Variants in CUX2 observed in about 807,000 individuals in gnomAD.
CUX2 encodes cut like homeobox 2.
In CUX2, 40 loss-of-function variants were observed where a neutral mutation model predicts 144.8. That is an observed-to-expected ratio of 0.28 (90% CI 0.21 to 0.36). The LOEUF (loss-of-function observed/expected upper bound fraction) is 0.36. Among genes scored for constraint, CUX2 ranks in the 10% least tolerant of loss-of-function variants. The pLI, the probability that CUX2 is intolerant of heterozygous loss-of-function variation, is 1.00. For synonymous variants in CUX2, 827 were observed against 875.6 expected, an observed-to-expected ratio of 0.94 and a Z score of 0.98; for missense variants, 1,615 against 1,994.0, an observed-to-expected ratio of 0.81 and a Z score of 3.62.
chr12:111,154,147 G>A (rs1422526522), intron 1 of CUX2, among the ~76,000 whole-genome samples: 1 of 151,860 alleles, frequency 6.6e-6, no homozygotes, highest in Non-Finnish European at 1.5e-5. Context: ...ACACAGTTCA[G>A]CTCTTAGCAC....
chr12:111,239,710 T>C (rs759764572), intron 3 of CUX2, among the ~76,000 whole-genome samples: 7 of 152,214 alleles, frequency 4.6e-5, no homozygotes, highest in Non-Finnish European at 8.8e-5. Flanking sequence ...GCCATTTCTC[T>C]TCCATCTGTT....
intron 1 of CUX2, among the ~76,000 whole-genome samples, chr12:111,132,058 C>A (rs1245075056): frequency 6.6e-6 from 1 of 152,250 alleles, no homozygotes; most frequent in Non-Finnish European, 1.5e-5. Flanking sequence ...ATGAGGGCCC[C>A]ACCCCTGCAG....
chr12:111,079,380 G>A (rs1871736642), intron 1 of CUX2, among the ~76,000 whole-genome samples: 1 of 152,128 alleles, frequency 6.6e-6, no homozygotes, highest in Admixed American at 6.5e-5. Flanking sequence ...ACCTGTGGTG[G>A]CCTTCTGAAC....
chr12:111,138,212 G>A (rs1876047393), intron 1 of CUX2, among the ~76,000 whole-genome samples: 2 of 152,184 alleles, frequency 1.3e-5, no homozygotes, highest in Admixed American at 1.3e-4. Context: ...TTTCTGATAG[G>A]GAGAAGCGAT....
At chr12:111,151,636 C>T (rs530900607) in intron 1 of CUX2, among the ~76,000 whole-genome samples, 3 of 152,174 alleles carry the variant, frequency 2.0e-5, no homozygotes, top group East Asian at 1.9e-4. Flanking sequence ...TCCATCTTGC[C>T]GAGACTTAGG....
At position 111,061,215 on chromosome 12, in the gene CUX2, C is replaced by CACACAT. The variant is rs1555265598; in HGVS notation, c.63+26976_63+26977insCACATA. ...ACACACACACACACACACACACACA[C>CACACAT]AGCAAGGAGGATGCCTGGCTTTCTG... On this transcript the variant is annotated intron_variant, in intron 1 of 21. Coordinates refer to ENST00000261726, the MANE Select transcript of CUX2 (RefSeq NM_015267.4). This position sits in a 1 kb window ranked among gnomAD's most constrained non-coding sequence, Gnocchi z 4.2. Among the ~76,000 whole-genome samples, 1 of 150,566 alleles carries CACACAT rather than the reference C, an allele frequency of 6.6e-6. No individual in the cohort carries two copies. Among genetic ancestry groups the CACACAT allele is most frequent in the African/African-American group, 2.5e-5 (1 of 40,298 alleles).
intron 3 of CUX2, among the ~76,000 whole-genome samples, chr12:111,237,575 T>C (rs939761263): frequency 1.3e-5 from 2 of 152,186 alleles, no homozygotes; most frequent in South Asian, 2.1e-4. Flanking sequence ...GCTTCCCAGA[T>C]GAATTTATCC....
In CUX2 at chr12:111,322,515, G is replaced by T; in HGVS notation, c.2861G>T (p.Arg954Leu). Residue 954 changes from arginine (R) to leucine (L), a missense_variant, in exon 18 of 22, where the codon CGC becomes CTC. Around this residue, in one of 12 missense-constraint regions of CUX2, gnomAD observed 17 missense variants for 68.7 expected, o/e 0.25. Coordinates refer to ENST00000261726, the MANE Select transcript of CUX2 (RefSeq NM_015267.4). This position sits in a 1 kb window ranked among gnomAD's most constrained non-coding sequence, Gnocchi z 4.2. ...LTQKGREPFIRMQLWLSDQLG... is the reference protein window; with the variant it reads ...LTQKGREPFILMQLWLSDQLG... ...CAGAAGGGGCGGGAGCCCTTCATCC[G>T]CATGCAGCTGTGGCTCTCTGACCAG... 1 of 1,607,476 alleles carries T rather than the reference G, an allele frequency of 6.2e-7. No homozygotes were observed.
At chr12:111,311,868 GATT>G (rs752518645) in intron 15 of CUX2, among the ~76,000 whole-genome samples, 6 of 152,154 alleles carry the variant, frequency 3.9e-5, no homozygotes, top group Non-Finnish European at 8.8e-5. Flanking sequence ...AGAGTGCTGG[GATT>G]ACAGGCATGA....
intron 6 of CUX2, among the ~76,000 whole-genome samples, chr12:111,294,396 G>A (rs947203315): frequency 6.6e-6 from 1 of 152,006 alleles, no homozygotes; most frequent in Non-Finnish European, 1.5e-5. Context: ...GTGTAAGTCT[G>A]TGTGCCCATA....
chr12:111,187,611 G>C (rs1879627791), intron 1 of CUX2, among the ~76,000 whole-genome samples: 1 of 152,216 alleles, frequency 6.6e-6, no homozygotes, highest in South Asian at 2.1e-4. Flanking sequence ...CCACCCCTGG[G>C]CACCCCCGTG....
Position 111,312,448 on chromosome 12 carries a change from C to G in CUX2, c.2002+247C>G, listed in dbSNP as rs1886953684. 6.6e-6 allele frequency among the ~76,000 whole-genome samples: 1 copy of G among 152,182 alleles called. No individual in the cohort carries two copies. Among genetic ancestry groups the G allele is most frequent in the Non-Finnish European group, 1.5e-5 (1 of 68,012 alleles). On this transcript the variant is annotated intron_variant, in intron 16 of 21. Coordinates refer to ENST00000261726, the MANE Select transcript of CUX2 (RefSeq NM_015267.4). The surrounding 1 kb of genome is among the most constrained non-coding windows in gnomAD (Gnocchi z 4.3). ...AGGCGCAGTGGCTCATGCCTGTAAT[C>G]CCAGCACTTTGGGAAGCCAAGGCAG...
intron 1 of CUX2, among the ~76,000 whole-genome samples, chr12:111,088,500 A>G (rs543189003): frequency 3.3e-5 from 5 of 152,350 alleles, no homozygotes; most frequent in African/African-American, 7.2e-5. Context: ...TTCAAAATGC[A>G]GCGGGCTGAA....
chr12:111,302,875 G>A (rs1886359303), intron 9 of CUX2, among the ~76,000 whole-genome samples: 1 of 143,444 alleles, frequency 7.0e-6, no homozygotes, highest in Non-Finnish European at 1.5e-5. Flanking sequence ...ACTCCAGCCT[G>A]GGCAACAAAG....
intron 3 of CUX2, among the ~76,000 whole-genome samples, chr12:111,230,921 C>G (rs924756927): frequency 2.0e-5 from 3 of 152,104 alleles, no homozygotes; most frequent in African/African-American, 7.2e-5. Flanking sequence ...GTGTTTCCAG[C>G]ACACACACAG....
At chr12:111,227,988 G>A (rs560091551) in intron 3 of CUX2, among the ~76,000 whole-genome samples, 74 of 152,262 alleles carry the variant, frequency 4.9e-4, no homozygotes, top group Non-Finnish European at 8.4e-4. Context: ...CGGCAATCAC[G>A]TTACGGTTGA....
chr12:111,184,573 C>CAAA (rs71445536), intron 1 of CUX2, among the ~76,000 whole-genome samples: 43 of 46,910 alleles, frequency 9.2e-4, no homozygotes, highest in East Asian at 8.7e-3. Context: ...TTCTCTCTAC[C>CAAA]AAAAAAAAAA....
chr12:111,320,606 C>G lies in CUX2; in HGVS notation c.2597C>G (p.Pro866Arg), dbSNP rs562432690. 1.3e-6 allele frequency: 2 copies of G among 1,561,678 alleles called. No homozygotes were observed. Among genetic ancestry groups the G allele is most frequent in the Non-Finnish European group, 1.7e-6 (2 of 1,162,996 alleles). Reference protein sequence around the residue: ...GATAEAGARLPYYPAYVPRTL... With the variant: ...GATAEAGARLRYYPAYVPRTL... ...ACGGCCGAGGCGGGCGCGCGGCTGC[C>G]CTACTACCCGGCCTACGTGCCGCGC... is the stretch of plus-strand genomic sequence containing the variant. The change falls in exon 17 of 22, where the codon CCC becomes CGC. Residue 866 changes from proline to arginine, a missense_variant. By Grantham distance (103) the Pro-to-Arg change is moderately radical (BLOSUM62 -2). Transcript: ENST00000261726. The surrounding 1 kb of genome is among the most constrained non-coding windows in gnomAD (Gnocchi z 8.1).
chr12:111,170,071 C>A (rs1878422185), intron 1 of CUX2, among the ~76,000 whole-genome samples: 1 of 152,192 alleles, frequency 6.6e-6, no homozygotes, highest in South Asian at 2.1e-4. Context: ...GGGGTGCCAA[C>A]AGTAACAGCC....
Sources: allele counts gnomAD v4.1 joint callset (sites outside exome capture counted in the v4.1 genomes callset), GRCh38; gene constraint gnomAD v4.1.1; regional missense constraint gnomAD v4.1.1; non-coding constraint Gnocchi (gnomAD v3.1); transcripts MANE v1.5; gene names NCBI Gene and HGNC (gene_info 2026-07-23, HGNC 2026-07-21).